The following STK32B variants were observed in gnomAD, a reference collection of about 807,000 sequenced individuals.
The protein encoded by STK32B is serine/threonine kinase 32B.
STK32B carries 43 observed loss-of-function variants against 52.6 expected under a neutral mutation model. The observed-to-expected ratio is 0.82, with a 90% CI of 0.64 to 1.05. STK32B has a LOEUF of 1.05. Ranked by LOEUF, STK32B falls within the 50% of genes least tolerant of loss-of-function variation. STK32B has a pLI of 0.00. For missense variants in STK32B, 621 were observed against 534.6 expected, an observed-to-expected ratio of 1.16 and a Z score of -1.59; for synonymous variants, 238 against 204.3, an observed-to-expected ratio of 1.17 and a Z score of -1.41.
intron 3 of STK32B, among the ~76,000 whole-genome samples, chr4:5,312,611 TG>T (rs1730377430): frequency 6.6e-6 from 1 of 152,112 alleles, no homozygotes; most frequent in African/African-American, 2.4e-5. Flanking sequence ...ACAAAGGACA[TG>T]AACTCATCAT....
intron 3 of STK32B, among the ~76,000 whole-genome samples, chr4:5,223,085 C>G (rs1723643891): frequency 6.6e-6 from 1 of 152,208 alleles, no homozygotes; most frequent in African/African-American, 2.4e-5. Flanking sequence ...GTACAGCACT[C>G]TTTGGTTACC....
the STK32B span, among the ~76,000 whole-genome samples, chr4:5,035,609 G>A: frequency 5.3e-5 from 8 of 152,150 alleles, no homozygotes; most frequent in African/African-American, 1.2e-4. Flanking sequence ...GGATGGAGTC[G>A]CTTCCAGATG....
chr4:5,069,952 C>T (rs1711648667), intron 1 of STK32B, among the ~76,000 whole-genome samples: 1 of 152,024 alleles, frequency 6.6e-6, no homozygotes, highest in Non-Finnish European at 1.5e-5. Context: ...GTGAGGTAAC[C>T]ATAGGTCAAT....
At chr4:5,268,684 G>C in intron 3 of STK32B, among the ~76,000 whole-genome samples, 1 of 151,736 alleles carries the variant, frequency 6.6e-6, no homozygotes, top group Admixed American at 6.6e-5. Flanking sequence ...GGGACCTTCT[G>C]TCCTGTTCAC....
At chr4:5,430,565 C>A (rs201260480) in intron 6 of STK32B, among the ~76,000 whole-genome samples, 1 of 152,126 alleles carries the variant, frequency 6.6e-6, no homozygotes, top group East Asian at 1.9e-4. Flanking sequence ...CTGTTAATTT[C>A]TTTGTCTCTT....
intron 3 of STK32B, among the ~76,000 whole-genome samples, chr4:5,274,132 C>T (rs1422657155): frequency 6.6e-6 from 1 of 152,072 alleles, no homozygotes; most frequent in East Asian, 1.9e-4. Context: ...AATTGACAAA[C>T]TATTTCAAAA....
At chr4:5,405,240 G>T (rs1264955727) in intron 5 of STK32B, among the ~76,000 whole-genome samples, 2 of 151,726 alleles carry the variant, frequency 1.3e-5, no homozygotes, top group Non-Finnish European at 2.9e-5. Flanking sequence ...CCCCAACCCT[G>T]CCTGTGTGGA....
At chr4:5,217,602 C>A (rs1352053252) in intron 3 of STK32B, among the ~76,000 whole-genome samples, 2 of 152,134 alleles carry the variant, frequency 1.3e-5, no homozygotes, top group Admixed American at 6.5e-5. Context: ...TTGCTTAGGG[C>A]AGAACAAATA....
chr4:5,105,602 C>T (rs1714053825), intron 1 of STK32B, among the ~76,000 whole-genome samples: 1 of 151,988 alleles, frequency 6.6e-6, no homozygotes, highest in South Asian at 2.1e-4. Flanking sequence ...ATCGCACTCT[C>T]ACCCAGGCTG....
intron 11 of STK32B, among the ~76,000 whole-genome samples, chr4:5,496,445 T>C (rs1355921228): frequency 6.6e-6 from 1 of 152,128 alleles, no homozygotes; most frequent in South Asian, 2.1e-4. Flanking sequence ...AGTATTGGGG[T>C]GGGAGTGACC....
the STK32B span, among the ~76,000 whole-genome samples, chr4:5,044,869 C>T: frequency 6.6e-6 from 1 of 152,180 alleles, no homozygotes; most frequent in African/African-American, 2.4e-5. Flanking sequence ...CATGATTGTG[C>T]CACTGCACTC....
intron 4 of STK32B, among the ~76,000 whole-genome samples, chr4:5,385,208 T>A (rs1456659329): frequency 6.6e-6 from 1 of 151,494 alleles, no homozygotes; most frequent in Non-Finnish European, 1.5e-5. Context: ...GGGTTTAGAT[T>A]AAGGCAAGAG....
At chr4:5,355,413 A>T (rs1734104915) in intron 4 of STK32B, among the ~76,000 whole-genome samples, 1 of 152,080 alleles carries the variant, frequency 6.6e-6, no homozygotes, top group Non-Finnish European at 1.5e-5. Context: ...CCAAGTTCAT[A>T]TGTTTTCTAC....
chr4:5,021,306 G>GT, the STK32B span, among the ~76,000 whole-genome samples: 1 of 152,230 alleles, frequency 6.6e-6, no homozygotes, highest in African/African-American at 2.4e-5. Flanking sequence ...TGTTTTGTAG[G>GT]TGAGAATGTG....
chr4:5,118,361 G>A, intron 1 of STK32B, among the ~76,000 whole-genome samples: 1 of 152,194 alleles, frequency 6.6e-6, no homozygotes, highest in Non-Finnish European at 1.5e-5. Flanking sequence ...GTTCATAGTA[G>A]TCTCTTATGA....
chr4:5,428,941 A>G (rs1034582252), intron 6 of STK32B, among the ~76,000 whole-genome samples: 11 of 152,192 alleles, frequency 7.2e-5, no homozygotes, highest in Non-Finnish European at 1.3e-4. Flanking sequence ...TGACATATCC[A>G]GTGGTTTGCT....
intron 3 of STK32B, among the ~76,000 whole-genome samples, chr4:5,323,665 A>T (rs1469957442): frequency 6.6e-6 from 1 of 152,118 alleles, no homozygotes; most frequent in African/African-American, 2.4e-5. Context: ...GACATCATTG[A>T]CTGACCCAAT....
At chr4:5,442,253 G>A (rs1560415255) in intron 6 of STK32B, among the ~76,000 whole-genome samples, 1 of 147,922 alleles carries the variant, frequency 6.8e-6, no homozygotes. Flanking sequence ...CTCTTTGTAG[G>A]TCACTCAGGA....
chr4:5,486,661 G>A (rs2108715823), intron 11 of STK32B, among the ~76,000 whole-genome samples: 1 of 152,338 alleles, frequency 6.6e-6, no homozygotes, highest in Admixed American at 6.5e-5. Context: ...GAAATCACCT[G>A]TCTTCTGCGT....
Sources: allele counts gnomAD v4.1 joint callset (sites outside exome capture counted in the v4.1 genomes callset), GRCh38; gene constraint gnomAD v4.1.1; transcripts MANE v1.5; gene names NCBI Gene and HGNC (gene_info 2026-07-23, HGNC 2026-07-21).